Variants in ACAN observed in about 807,000 individuals in gnomAD.
The protein encoded by ACAN is aggrecan core protein.
In ACAN, 47 loss-of-function variants were observed where a neutral mutation model predicts 169.1. The ratio of observed to expected loss-of-function variants is 0.28; its 90% CI spans 0.22 to 0.35. The LOEUF (loss-of-function observed/expected upper bound fraction) is 0.35, where lower values mean the gene tolerates loss of function less well. Among genes scored for constraint, ACAN ranks in the 10% least tolerant of loss-of-function variants. The probability of loss-of-function intolerance (pLI) is 1.00; values close to 1 mark genes in which losing one functional copy is unlikely to be tolerated. For missense variants in ACAN, 2,716 were observed against 2,759.9 expected, an observed-to-expected ratio of 0.98 and a Z score of 0.36; for synonymous variants, 1,115 against 1,112.2, an observed-to-expected ratio of 1.00 and a Z score of -0.05.
chr15:88,830,018 G>C (rs1896320179), intron 1 of ACAN, among the ~76,000 whole-genome samples: 1 of 152,102 alleles, frequency 6.6e-6, no homozygotes, highest in Non-Finnish European at 1.5e-5. Flanking sequence ...CCAAGGCCTG[G>C]TGAGGTTTCA....
In ACAN at chr15:88,858,745, C is replaced by T. The variant is rs769651133; in HGVS notation, c.6160C>T (p.Leu2054=). 3.1e-6 allele frequency: 5 copies of T among 1,613,916 alleles called. No individual in the cohort carries two copies. Among genetic ancestry groups the T allele is most frequent in the Non-Finnish European group, 3.4e-6 (4 of 1,179,872 alleles). The change falls in exon 12 of 19, where the codon CTA becomes TTA. Residue 2054 remains leucine, a synonymous_variant. Coordinates refer to ENST00000560601, the MANE Select transcript of ACAN (RefSeq NM_001369268.1). This position sits in a 1 kb window ranked among gnomAD's most constrained non-coding sequence, Gnocchi z 4.0. ...TACTGAACCAACTATTTCTCAGGAA[C>T]TAGGCCAAAGGCCCCCTGTGACACA... is the stretch of plus-strand genomic sequence containing the variant. ...GVTEPTISQE[L]GQRPPVTHTP...
intron 1 of ACAN, among the ~76,000 whole-genome samples, chr15:88,820,787 G>A (rs574558002): frequency 2.0e-5 from 3 of 152,260 alleles, no homozygotes; most frequent in South Asian, 4.1e-4. Flanking sequence ...TTGAGATAAG[G>A]TCTTTCTCCA....
Position 88,857,933 on chromosome 15 carries a change from C to G in ACAN, c.5348C>G (p.Thr1783Ser). ...LYGTSQPFGI[T>S]DLSGETSGVP... ...GGCACTAGTCAACCCTTTGGCATAA[C>G]TGATCTGAGTGGAGAAACATCTGGG... Residue 1783 changes from threonine (T) to serine (S), a missense_variant, in exon 12 of 19, where the codon ACT (threonine) becomes AGT (serine). Thr to Ser is a moderately conservative substitution (Grantham distance 58, BLOSUM62 1). Transcript: ENST00000560601. 2 of 1,613,784 alleles carry G rather than the reference C, an allele frequency of 1.2e-6. No individual in the cohort carries two copies. The highest frequency in any genetic ancestry group is 1.3e-5 in the African/African-American group (1 of 75,020).
In ACAN at chr15:88,858,004, G is replaced by A. The variant is rs772897999; in HGVS notation, c.5419G>A (p.Gly1807Arg). Reference protein sequence around the residue: ...GQPSGLPGFSGATSGVPDLVS... With the variant: ...GQPSGLPGFSRATSGVPDLVS... ...GCCTTCAGGGTTACCAGGGTTCAGT[G>A]GGGCAACATCAGGAGTCCCTGACCT... The change falls in exon 12 of 19, where the codon GGG becomes AGG. Residue 1807 changes from glycine (G) to arginine (R), a missense_variant. Physicochemically the swap from Gly to Arg is moderately radical, Grantham distance 125 (BLOSUM62 -2). Around this residue, in one of 3 missense-constraint regions of ACAN, gnomAD observed 1,389 missense variants for 1,363.7 expected, o/e 1.02. Transcript: ENST00000560601. This position sits in a 1 kb window ranked among gnomAD's most constrained non-coding sequence, Gnocchi z 4.0. 12 of 1,613,976 alleles carry A rather than the reference G, an allele frequency of 7.4e-6. No homozygotes were observed. The highest frequency in any genetic ancestry group is 3.3e-5 in the South Asian group (3 of 91,082).
At chr15:88,806,988 T>C (rs754236091) in intron 1 of ACAN, among the ~76,000 whole-genome samples, 5 of 152,204 alleles carry the variant, frequency 3.3e-5, no homozygotes, top group Non-Finnish European at 7.3e-5. Flanking sequence ...ATAATATAAA[T>C]GTATATATGC....
intron 1 of ACAN, among the ~76,000 whole-genome samples, chr15:88,833,337 C>T (rs1463389815): frequency 6.6e-6 from 1 of 152,222 alleles, no homozygotes; most frequent in East Asian, 1.9e-4. Flanking sequence ...ACATGACTCT[C>T]ACCCGGCCTT....
At chr15:88,827,018 T>C (rs1206920820) in intron 1 of ACAN, among the ~76,000 whole-genome samples, 1 of 152,224 alleles carries the variant, frequency 6.6e-6, no homozygotes, top group Non-Finnish European at 1.5e-5. Context: ...CTATGAAGAC[T>C]GTTCTAAGGA....
intron 1 of ACAN, among the ~76,000 whole-genome samples, chr15:88,827,502 G>A (rs912562711): frequency 6.6e-6 from 1 of 152,204 alleles, no homozygotes; most frequent in Admixed American, 6.5e-5. Flanking sequence ...ACTGACCTCA[G>A]TGCCCCATTC....
rs538879533 is a variant in ACAN, at chr15:88,868,158, G to A, written c.6947-58G>A. The A allele has an allele frequency of 1.0e-5, 7 of 685,208 alleles. No homozygotes were observed. Among genetic ancestry groups the A allele is most frequent in the East Asian group, 8.1e-5 (3 of 37,146 alleles). 42.4% of individuals were successfully genotyped at this position (685,208 alleles called of 1,614,324 possible). On this transcript the variant is annotated intron_variant, in intron 13 of 18. Transcript: ENST00000560601. This position sits in a 1 kb window ranked among gnomAD's most constrained non-coding sequence, Gnocchi z 5.2. ...TGGCCACTCAAAAGGAGGCCACAGT[G>A]CTTGTGAGGCTGGAGTTGCCGGCAG...
Position 88,849,475 on chromosome 15 carries a change from C to T in ACAN, c.1770C>T (p.Thr590=). 1 of 1,605,252 alleles carries T rather than the reference C, an allele frequency of 6.2e-7. No individual in the cohort carries two copies. The highest frequency in any genetic ancestry group is 8.5e-7 in the Non-Finnish European group (1 of 1,174,404). Residue 590 remains threonine, a synonymous_variant, in exon 10 of 19, where the codon ACC becomes ACT. Transcript: ENST00000560601. The surrounding 1 kb of genome is among the most constrained non-coding windows in gnomAD (Gnocchi z 5.1). ...TCGCCACACGCCTTGAGCAGTTCACCTTCCAGGAAGCACTGGAGTTCTGTG... is the reference window on the plus strand; with the variant it reads ...TCGCCACACGCCTTGAGCAGTTCACTTTCCAGGAAGCACTGGAGTTCTGTG... The part of the protein sequence containing the change: ...VFFATRLEQF[T]FQEALEFCES...
Position 88,874,553 on chromosome 15 carries a change from C to A in ACAN, c.*72C>A. ...CAGGCTGACGTGCATCCCACCCAGACGGTGTCCTCTTCTTGTCGCTTTTTG... is the reference window on the plus strand; with the variant it reads ...CAGGCTGACGTGCATCCCACCCAGAAGGTGTCCTCTTCTTGTCGCTTTTTG... On this transcript the variant is annotated 3_prime_UTR_variant, in exon 19 of 19. Coordinates refer to ENST00000560601, the MANE Select transcript of ACAN (RefSeq NM_001369268.1). This position sits in a 1 kb window ranked among gnomAD's most constrained non-coding sequence, Gnocchi z 7.3. 1 of 1,340,062 alleles carries A rather than the reference C, an allele frequency of 7.5e-7. No individual in the cohort carries two copies. The highest frequency in any genetic ancestry group is 1.0e-6 in the Non-Finnish European group (1 of 953,306). 83.0% of individuals were successfully genotyped at this position (1,340,062 alleles called of 1,614,324 possible). A position where few individuals can be genotyped will look rare whatever the true frequency, so the allele number is the denominator to read the frequency against.
rs373716409 is a variant in ACAN, at chr15:88,840,133, C to T, written c.576C>T (p.Tyr192=). Residue 192 remains tyrosine, a synonymous_variant, in exon 4 of 19, where the codon TAC becomes TAT. Transcript: ENST00000560601. ...CGCCTGAGCAGCTGCAGGCCGCCTA[C>T]GAAGACGGCTTCCACCAGTGTGACG... ...IATPEQLQAA[Y]EDGFHQCDAG... is the part of the protein sequence containing the mutation. 2.0e-4 allele frequency: 324 copies of T among 1,605,974 alleles called. 2 individuals are homozygous for T. Among genetic ancestry groups the T allele is most frequent in the East Asian group, 7.8e-4 (35 of 44,616 alleles).
Position 88,857,734 on chromosome 15 carries a change from G to A in ACAN, c.5149G>A (p.Gly1717Ser). The part of the protein sequence containing the change: ...SGLPSGTELS[G>S]QASGSPDVSG... Reference sequence around the variant, plus strand: ...ACTCCCTTCAGGAACTGAACTCAGTGGCCAAGCATCTGGGTCTCCTGATGT... The same window carrying A: ...ACTCCCTTCAGGAACTGAACTCAGTAGCCAAGCATCTGGGTCTCCTGATGT... The change falls in exon 12 of 19, where the codon GGC becomes AGC. Residue 1717 changes from glycine (G) to serine (S), a missense_variant. Gly to Ser is a moderately conservative substitution (Grantham distance 56). Coordinates refer to ENST00000560601, the MANE Select transcript of ACAN (RefSeq NM_001369268.1). 2 of 1,613,964 alleles carry A rather than the reference G, an allele frequency of 1.2e-6. No homozygotes were observed. Among genetic ancestry groups the A allele is most frequent in the Non-Finnish European group, 1.7e-6 (2 of 1,179,888 alleles).
In ACAN at chr15:88,858,049, G is replaced by A. The variant is rs1897101197; in HGVS notation, c.5464G>A (p.Gly1822Ser). ...TGACCTGGTTTCTGGTACCACGAGT[G>A]GCAGCGGTGAATCTTCTGGGATTAC... ...VPDLVSGTTS[G>S]SGESSGITFV... Residue 1822 changes from glycine to serine, a missense_variant, in exon 12 of 19, where the codon GGC becomes AGC. Coordinates refer to ENST00000560601, the MANE Select transcript of ACAN (RefSeq NM_001369268.1). The surrounding 1 kb of genome is among the most constrained non-coding windows in gnomAD (Gnocchi z 4.0). 1 of 1,613,980 alleles carries A rather than the reference G, an allele frequency of 6.2e-7. No individual in the cohort carries two copies. Among genetic ancestry groups the A allele is most frequent in the East Asian group, 2.2e-5 (1 of 44,878 alleles).
chr15:88,849,361 C>T lies in ACAN; in HGVS notation c.1733-77C>T. ...GCCCTGGTGAGGAGGGTTAGAGGAA[C>T]TCTGTCCTGGGTGGGCAGGGATGGA... On this transcript the variant is annotated intron_variant, in intron 9 of 18. Coordinates refer to ENST00000560601, the MANE Select transcript of ACAN (RefSeq NM_001369268.1). The surrounding 1 kb of genome is among the most constrained non-coding windows in gnomAD (Gnocchi z 5.1). The T allele has an allele frequency of 7.2e-7, 1 of 1,396,080 alleles. No individual in the cohort carries two copies. Among genetic ancestry groups the T allele is most frequent in the East Asian group, 2.5e-5 (1 of 40,056 alleles). 86.5% of individuals were successfully genotyped at this position (1,396,080 alleles called of 1,614,324 possible). A position where few individuals can be genotyped will look rare whatever the true frequency, so the allele number is the denominator to read the frequency against.
rs778460961 is a variant in ACAN at position 88,824,636 on chromosome 15, T to C, written c.-7-11564T>C. ...GCTCATGCCTATAATCCCAGCATTTTGGGAAGCCAAGTCAAGCGGATTACC... is the reference window on the plus strand; with the variant it reads ...GCTCATGCCTATAATCCCAGCATTTCGGGAAGCCAAGTCAAGCGGATTACC... On this transcript the variant is annotated intron_variant, in intron 1 of 18. Coordinates refer to ENST00000560601, the MANE Select transcript of ACAN (RefSeq NM_001369268.1). Among the ~76,000 whole-genome samples the C allele has an allele frequency of 3.9e-5, 6 of 152,266 alleles. No homozygotes were observed. In the East Asian group the frequency reaches 1.2e-3, roughly 29 times the overall value.
In ACAN at chr15:88,839,892, C is replaced by A; in HGVS notation, c.455-120C>A. The A allele has an allele frequency of 8.0e-7, 1 of 1,243,818 alleles. No homozygotes were observed. 77.0% of individuals were successfully genotyped at this position (1,243,818 alleles called of 1,614,324 possible). A position where few individuals can be genotyped will look rare whatever the true frequency, so the allele number is the denominator to read the frequency against. On this transcript the variant is annotated intron_variant, in intron 3 of 18. Coordinates refer to ENST00000560601, the MANE Select transcript of ACAN (RefSeq NM_001369268.1). This position sits in a 1 kb window ranked among gnomAD's most constrained non-coding sequence, Gnocchi z 4.5. ...AGGTGTACAGGGAGTCATGCATCAGCCCAGACCAGCCAGTTCCCTAAGGTC... is the reference window on the plus strand; with the variant it reads ...AGGTGTACAGGGAGTCATGCATCAGACCAGACCAGCCAGTTCCCTAAGGTC...
At position 88,866,006 on chromosome 15, in the gene ACAN, G is replaced by T. The variant is rs185714972; in HGVS notation, c.6947-2210G>T. 6.6e-6 allele frequency among the ~76,000 whole-genome samples: 1 copy of T among 151,832 alleles called. No individual in the cohort carries two copies. The highest frequency in any genetic ancestry group is 6.6e-5 in the Admixed American group (1 of 15,260). On this transcript the variant is annotated intron_variant, in intron 13 of 18. Coordinates refer to ENST00000560601, the MANE Select transcript of ACAN (RefSeq NM_001369268.1). This position sits in a 1 kb window ranked among gnomAD's most constrained non-coding sequence, Gnocchi z 5.6. Reference sequence around the variant, plus strand: ...CCTCCTCATCTGTAAATCCAGGGCCGTGAAAAAAAAAATTCTGAGCCCCGG... The same window carrying T: ...CCTCCTCATCTGTAAATCCAGGGCCTTGAAAAAAAAAATTCTGAGCCCCGG...
Position 88,866,672 on chromosome 15 carries a change from G to A in ACAN, c.6947-1544G>A, listed in dbSNP as rs1486493034. Among the ~76,000 whole-genome samples, 2 of 152,096 alleles carry A rather than the reference G, an allele frequency of 1.3e-5. No individual in the cohort carries two copies. The highest frequency in any genetic ancestry group is 1.3e-4 in the Admixed American group (2 of 15,264). ...GATGAGCAAGATGCCTGAGAGCTGG[G>A]GATTTTCAGGCCACCTGTTGCACAA... is the stretch of plus-strand genomic sequence containing the variant. On this transcript the variant is annotated intron_variant, in intron 13 of 18. Coordinates refer to ENST00000560601, the MANE Select transcript of ACAN (RefSeq NM_001369268.1). This position sits in a 1 kb window ranked among gnomAD's most constrained non-coding sequence, Gnocchi z 5.6.
Sources: gnomAD v4.1 joint callset for allele counts (sites outside exome capture counted in the v4.1 genomes callset) on GRCh38, gnomAD v4.1.1 for gene constraint, gnomAD v4.1.1 regional missense constraint, Gnocchi (gnomAD v3.1) non-coding constraint, MANE v1.5 for transcripts, NCBI Gene and HGNC (gene_info 2026-07-23, HGNC 2026-07-21) for gene names.